Variants in PPP1R1C observed in about 807,000 individuals in gnomAD.
The protein encoded by PPP1R1C is protein phosphatase 1 regulatory subunit 1C.
In PPP1R1C, 15 loss-of-function variants were observed where a neutral mutation model predicts 17.4. That is an observed-to-expected ratio of 0.86 (90% CI 0.58 to 1.33). The LOEUF (loss-of-function observed/expected upper bound fraction) is 1.33, where lower values mean the gene tolerates loss of function less well. PPP1R1C is among the 40% of genes most tolerant of loss of function. PPP1R1C has a pLI of 0.00. For missense variants in PPP1R1C, 143 were observed against 130.0 expected, an observed-to-expected ratio of 1.10 and a Z score of -0.48; for synonymous variants, 35 against 43.1, an observed-to-expected ratio of 0.81 and a Z score of 0.73.
intron 4 of PPP1R1C, among the ~76,000 whole-genome samples, chr2:182,116,815 C>CTT (rs1375155632): frequency 6.6e-6 from 1 of 152,122 alleles, no homozygotes; most frequent in Non-Finnish European, 1.5e-5. Context: ...CACGCACACC[C>CTT]TTTTGTTCCT....
chr2:182,119,239 C>A (rs975277490), downstream of PPP1R1C, among the ~76,000 whole-genome samples: 3 of 152,016 alleles, frequency 2.0e-5, no homozygotes, highest in African/African-American at 7.3e-5. Context: ...ATGAACTCAT[C>A]ATTTTTTATG....
chr2:182,127,587 A>G (rs192921774), intron 5 of PPP1R1C, among the ~76,000 whole-genome samples: 14 of 152,228 alleles, frequency 9.2e-5, no homozygotes, highest in African/African-American at 2.9e-4. Flanking sequence ...CGGTCCAAGT[A>G]GAAAGAACAG....
At chr2:182,009,946 T>C (rs1441007776) in intron 2 of PPP1R1C, among the ~76,000 whole-genome samples, 1 of 152,140 alleles carries the variant, frequency 6.6e-6, no homozygotes, top group Admixed American at 6.5e-5. Context: ...GTGTGTGGAT[T>C]TGTTTCTGGG....
At chr2:181,974,963 C>G (rs1377967495) in intron 1 of PPP1R1C, among the ~76,000 whole-genome samples, 1 of 152,168 alleles carries the variant, frequency 6.6e-6, no homozygotes, top group Non-Finnish European at 1.5e-5. Flanking sequence ...AAATGCTTTT[C>G]CTGATACCTG....
chr2:182,041,911 A>G (rs1300742718), intron 2 of PPP1R1C, among the ~76,000 whole-genome samples: 2 of 152,150 alleles, frequency 1.3e-5, no homozygotes, highest in Non-Finnish European at 2.9e-5. Flanking sequence ...TAATGTATTT[A>G]TCTACATTCC....
In PPP1R1C at chr2:182,007,917, A is replaced by T. The variant is rs139960100; in HGVS notation, c.142+20018A>T. 9.9e-3 allele frequency among the ~76,000 whole-genome samples: 1,505 copies of T among 152,164 alleles called. 52 individuals are homozygous for T. Among genetic ancestry groups the T allele is most frequent in the East Asian group, 0.035 (181 of 5,164 alleles). On this transcript the variant is annotated intron_variant, in intron 2 of 4. Transcript: ENST00000682840. ...CTCTGCTAAAAATAATTTTAAAAAAACTTAGCCGGGAGTGGTGGTGGGTGT... is the reference window on the plus strand; with the variant it reads ...CTCTGCTAAAAATAATTTTAAAAAATCTTAGCCGGGAGTGGTGGTGGGTGT...
chr2:182,007,910 T>TA (rs1295958866), intron 2 of PPP1R1C, among the ~76,000 whole-genome samples: 2 of 151,776 alleles, frequency 1.3e-5, no homozygotes, highest in African/African-American at 2.4e-5. Context: ...AAAATAATTT[T>TA]AAAAAAACTT....
At chr2:182,087,381 T>C (rs1299436346) in intron 4 of PPP1R1C, among the ~76,000 whole-genome samples, 2 of 152,226 alleles carry the variant, frequency 1.3e-5, no homozygotes, top group Non-Finnish European at 2.9e-5. Context: ...AGTCACCCAC[T>C]TGCCTTTAGG....
chr2:182,073,015 C>T (rs1411645043), intron 4 of PPP1R1C, among the ~76,000 whole-genome samples: 3 of 152,200 alleles, frequency 2.0e-5, no homozygotes, highest in African/African-American at 7.2e-5. Flanking sequence ...TGCCTCCGGC[C>T]ACAGCCTTCT....
chr2:181,959,185 G>T (rs977223907), intron 1 of PPP1R1C, among the ~76,000 whole-genome samples: 2 of 152,146 alleles, frequency 1.3e-5, no homozygotes, highest in Non-Finnish European at 2.9e-5. Context: ...TGCATAGCTT[G>T]TTTTTTAAAC....
At chr2:182,107,558 T>A (rs944611681) in intron 4 of PPP1R1C, among the ~76,000 whole-genome samples, 1 of 152,194 alleles carries the variant, frequency 6.6e-6, no homozygotes, top group Non-Finnish European at 1.5e-5. Flanking sequence ...AGTGTTGGCC[T>A]ACTCCTCACC....
chr2:182,020,511 C>A (rs972792687), intron 2 of PPP1R1C, among the ~76,000 whole-genome samples: 1 of 152,120 alleles, frequency 6.6e-6, no homozygotes, highest in African/African-American at 2.4e-5. Context: ...TCCCTAGAGG[C>A]CCCTCACATT....
At chr2:182,086,041 T>A (rs1302250661) in intron 4 of PPP1R1C, among the ~76,000 whole-genome samples, 2 of 152,244 alleles carry the variant, frequency 1.3e-5, no homozygotes, top group South Asian at 2.1e-4. Context: ...ACAAAATGTG[T>A]TTAAAATATA....
chr2:181,971,717 T>A (rs1220946691), intron 1 of PPP1R1C, among the ~76,000 whole-genome samples: 1 of 152,156 alleles, frequency 6.6e-6, no homozygotes, highest in Non-Finnish European at 1.5e-5. Context: ...GCCATGGTCT[T>A]GAGGCTTGGT....
intron 2 of PPP1R1C, chr2:182,030,815 G>C (rs180677301): frequency 0.037 from 5,856 of 159,876 alleles, 376 homozygotes; most frequent in African/African-American, 0.13. Context: ...CCCTAGCCTC[G>C]CTGCCGCCTT....
rs1406609773 is a variant in PPP1R1C, at chr2:182,027,799, C to T, written c.143-33643C>T. On this transcript the variant is annotated intron_variant, in intron 2 of 4. Transcript: ENST00000682840. ...TCAGAAGGAATGGTACCAGTTCCTC[C>T]TTGTACCTCTGGTAGAATTCGGCTG... Among the ~76,000 whole-genome samples, 18 of 148,924 alleles carry T rather than the reference C, an allele frequency of 1.2e-4. No individual in the cohort carries two copies. In the East Asian group the frequency reaches 3.6e-3, roughly 30 times the overall value.
At chr2:182,067,469 A>G (rs1277495480) in intron 4 of PPP1R1C, among the ~76,000 whole-genome samples, 3 of 152,140 alleles carry the variant, frequency 2.0e-5, no homozygotes, top group African/African-American at 7.2e-5. Context: ...GAAAGTGGCA[A>G]TAATGGCAAG....
chr2:182,016,718 A>G (rs1380623562), intron 2 of PPP1R1C, among the ~76,000 whole-genome samples: 20 of 152,210 alleles, frequency 1.3e-4, no homozygotes, highest in Admixed American at 1.3e-3. Flanking sequence ...TGATAATACT[A>G]CAGCTTCTAT....
intron 2 of PPP1R1C, among the ~76,000 whole-genome samples, chr2:182,034,280 T>C (rs1686933552): frequency 6.6e-6 from 1 of 152,056 alleles, no homozygotes; most frequent in African/African-American, 2.4e-5. Context: ...TGCTATCAAG[T>C]TGGATTAAAA....
Sources: gnomAD v4.1 joint callset for allele counts (sites outside exome capture counted in the v4.1 genomes callset) on GRCh38, gnomAD v4.1.1 for gene constraint, MANE v1.5 for transcripts, NCBI Gene and HGNC (gene_info 2026-07-23, HGNC 2026-07-21) for gene names.